Variants in GALNTL6 observed in about 807,000 individuals in gnomAD.
GALNTL6 encodes the protein polypeptide N-acetylgalactosaminyltransferase like 6, also known as polypeptide N-acetylgalactosaminyltransferase-like 6.
A neutral mutation model predicts 73.7 loss-of-function variants in GALNTL6; 46 were observed. The observed-to-expected ratio is 0.62, with a 90% CI of 0.49 to 0.80. The LOEUF (loss-of-function observed/expected upper bound fraction) is 0.80. GALNTL6 is among the 30% of genes least tolerant of loss of function. GALNTL6 has a pLI of 0.00. For synonymous variants in GALNTL6, 259 were observed against 263.7 expected, an observed-to-expected ratio of 0.98 and a Z score of 0.17; for missense variants, 604 against 755.0, an observed-to-expected ratio of 0.80 and a Z score of 2.34.
At chr4:172,870,382 A>G (rs1253346581) in intron 7 of GALNTL6, among the ~76,000 whole-genome samples, 1 of 152,138 alleles carries the variant, frequency 6.6e-6, no homozygotes, top group Non-Finnish European at 1.5e-5. Flanking sequence ...AAATTTCTAT[A>G]TTGTCCTTTT....
intron 2 of GALNTL6, among the ~76,000 whole-genome samples, chr4:172,170,704 T>C (rs1734789309): frequency 2.0e-5 from 3 of 152,010 alleles, no homozygotes; most frequent in African/African-American, 7.2e-5. Flanking sequence ...ACAGAGGGGC[T>C]TGCACCATGT....
At chr4:172,040,795 T>C (rs1341238189) in intron 2 of GALNTL6, among the ~76,000 whole-genome samples, 1 of 152,136 alleles carries the variant, frequency 6.6e-6, no homozygotes, top group Non-Finnish European at 1.5e-5. Context: ...CATGCATTGC[T>C]TTCACACTTT....
chr4:172,066,344 A>G (rs1731363887), intron 2 of GALNTL6, among the ~76,000 whole-genome samples: 1 of 152,112 alleles, frequency 6.6e-6, no homozygotes, highest in Admixed American at 6.6e-5. Flanking sequence ...TCCAAATCAC[A>G]TAGTATGTAA....
At chr4:171,997,018 G>A (rs1276517469) in intron 2 of GALNTL6, among the ~76,000 whole-genome samples, 1 of 152,154 alleles carries the variant, frequency 6.6e-6, no homozygotes, top group African/African-American at 2.4e-5. Flanking sequence ...AGTTATCCAA[G>A]TGTTGGAATT....
intron 5 of GALNTL6, among the ~76,000 whole-genome samples, chr4:172,392,924 G>C (rs995268954): frequency 6.6e-5 from 10 of 152,344 alleles, no homozygotes; most frequent in African/African-American, 1.9e-4. Context: ...AGCAGAACGT[G>C]AGTGGCGGGC....
In GALNTL6 at chr4:172,059,864, G is replaced by A. The variant is rs377656043; in HGVS notation, c.139-169792G>A. ...TTCTTCTCAATTATATTATCTCTCC[G>A]AGGTTTAAAATCAAAGTGAGAGCCA... On this transcript the variant is annotated intron_variant, in intron 2 of 12. Transcript: ENST00000506823. Among the ~76,000 whole-genome samples the A allele has an allele frequency of 2.9e-3, 435 of 152,158 alleles. 3 individuals carry two copies. Among genetic ancestry groups the A allele is most frequent in the African/African-American group, 9.7e-3 (403 of 41,510 alleles).
chr4:172,979,233 G>C (rs1036480905), intron 10 of GALNTL6, among the ~76,000 whole-genome samples: 2 of 152,186 alleles, frequency 1.3e-5, no homozygotes, highest in Admixed American at 6.5e-5. Flanking sequence ...ATTCACGTGT[G>C]CCAAAATTAT....
At chr4:172,610,517 A>T (rs942541142) in intron 5 of GALNTL6, among the ~76,000 whole-genome samples, 4 of 151,874 alleles carry the variant, frequency 2.6e-5, no homozygotes, top group Admixed American at 6.6e-5. Context: ...CCTTCTTGGT[A>T]TTTGTTTCTA....
intron 2 of GALNTL6, among the ~76,000 whole-genome samples, chr4:171,874,704 C>A (rs1736227696): frequency 6.6e-6 from 1 of 152,144 alleles, no homozygotes; most frequent in African/African-American, 2.4e-5. Context: ...ACGAAAGGAG[C>A]TGAGACCTAA....
intron 3 of GALNTL6, among the ~76,000 whole-genome samples, chr4:172,238,812 G>T (rs1253407567): frequency 6.6e-6 from 1 of 152,010 alleles, no homozygotes; most frequent in Non-Finnish European, 1.5e-5. Context: ...TAATATAAAG[G>T]GATGCTGAAT....
intron 8 of GALNTL6, among the ~76,000 whole-genome samples, chr4:172,911,213 T>C (rs974781655): frequency 6.6e-6 from 1 of 152,234 alleles, no homozygotes; most frequent in Non-Finnish European, 1.5e-5. Context: ...ATTTTACGAT[T>C]TTACACTTTT....
At chr4:172,318,360 G>C (rs1026028170) in intron 4 of GALNTL6, among the ~76,000 whole-genome samples, 1 of 152,198 alleles carries the variant, frequency 6.6e-6, no homozygotes, top group Non-Finnish European at 1.5e-5. Context: ...AGACTTGTCA[G>C]ACATTAACCT....
chr4:172,566,455 G>C (rs1196388665), intron 5 of GALNTL6, among the ~76,000 whole-genome samples: 1 of 151,838 alleles, frequency 6.6e-6, no homozygotes, highest in African/African-American at 2.4e-5. Context: ...GATCAGAAAA[G>C]AAATCAAAAT....
chr4:172,153,815 T>C (rs1030626273), intron 2 of GALNTL6, among the ~76,000 whole-genome samples: 3 of 152,216 alleles, frequency 2.0e-5, no homozygotes, highest in African/African-American at 7.2e-5. Context: ...TGAGGATCTT[T>C]CATGACCTAG....
chr4:172,227,951 TTA>T (rs1157302468), intron 2 of GALNTL6, among the ~76,000 whole-genome samples: 7 of 152,202 alleles, frequency 4.6e-5, no homozygotes, highest in African/African-American at 1.7e-4. Context: ...AATCTGAAAG[TTA>T]TGTTTGTAAA....
chr4:172,769,318 C>T (rs764548961), intron 5 of GALNTL6, among the ~76,000 whole-genome samples: 2 of 151,966 alleles, frequency 1.3e-5, no homozygotes, highest in Non-Finnish European at 2.9e-5. Flanking sequence ...ATTAAATCAG[C>T]TTGAATGAGA....
chr4:172,657,964 A>C (rs957832187), intron 5 of GALNTL6, among the ~76,000 whole-genome samples: 24 of 138,964 alleles, frequency 1.7e-4, no homozygotes, highest in South Asian at 9.3e-4. Context: ...TCCCGGCTAA[A>C]ACGGTGAAAC....
At chr4:172,334,612 T>C (rs2111188241) in intron 4 of GALNTL6, among the ~76,000 whole-genome samples, 1 of 152,328 alleles carries the variant, frequency 6.6e-6, no homozygotes, top group South Asian at 2.1e-4. Flanking sequence ...TTATTAGTTC[T>C]AGGAGCTGTT....
intron 3 of GALNTL6, among the ~76,000 whole-genome samples, chr4:172,260,276 A>G (rs185304496): frequency 4.1e-4 from 62 of 151,890 alleles, no homozygotes; most frequent in Non-Finnish European, 6.9e-4. Flanking sequence ...TTCTTTCAGC[A>G]GTGTTTTGTA....
Sources: gnomAD v4.1 joint callset for allele counts (sites outside exome capture counted in the v4.1 genomes callset) on GRCh38, gnomAD v4.1.1 for gene constraint, MANE v1.5 for transcripts, NCBI Gene and HGNC (gene_info 2026-07-23, HGNC 2026-07-21) for gene names.